Variants in SHC3 observed in about 807,000 individuals in gnomAD.
SHC3 encodes the protein SHC-transforming protein 3.
SHC3 carries 15 observed loss-of-function variants against 60.4 expected under a neutral mutation model. That is an observed-to-expected ratio of 0.25 (90% confidence interval 0.17 to 0.38). The LOEUF (loss-of-function observed/expected upper bound fraction) is 0.38. SHC3 is among the 10% of genes least tolerant of loss of function. The probability of loss-of-function intolerance (pLI) is 1.00; values close to 1 mark genes in which losing one functional copy is unlikely to be tolerated. For synonymous variants in SHC3, 294 were observed against 325.9 expected (o/e 0.90, Z 1.05); for missense variants, 677 against 786.1 (o/e 0.86, Z 1.66).
intron 1 of SHC3, among the ~76,000 whole-genome samples, chr9:89,119,513 T>C (rs1415344286): frequency 5.9e-5 from 9 of 151,658 alleles, no homozygotes; most frequent in African/African-American, 2.2e-4. Context: ...GGGTTTAATA[T>C]GGGGAAATAT....
chr9:89,172,400 A>G (rs1015046008), intron 1 of SHC3, among the ~76,000 whole-genome samples: 1 of 152,188 alleles, frequency 6.6e-6, no homozygotes, highest in African/African-American at 2.4e-5. Flanking sequence ...AGTGGGGTCA[A>G]AATGTTTTGT....
Position 89,178,028 on chromosome 9 carries a change from T to C in SHC3, c.433A>G (p.Ser145Gly). The change falls in exon 1 of 12, where the codon AGC becomes GGC. Residue 145 changes from serine to glycine, a missense_variant. By Grantham distance (56) the Ser-to-Gly change is moderately conservative. Transcript: ENST00000375835. This position sits in a 1 kb window ranked among gnomAD's most constrained non-coding sequence, Gnocchi z 6.9. ...ACTCCGGGCCCCAGCACCTGGTCGC[T>C]GGCGTGCGGCGCCCCCCGAGGGGGC... ...PRPPRGAPHA[S>G]DQVLGPGVTY... The C allele has an allele frequency of 8.1e-7, 1 of 1,231,358 alleles. No individual in the cohort carries two copies. Among genetic ancestry groups the C allele is most frequent in the Non-Finnish European group, 1.0e-6 (1 of 987,722 alleles). 76.3% of individuals were successfully genotyped at this position (1,231,358 alleles called of 1,614,324 possible). A position where few individuals can be genotyped will look rare whatever the true frequency, so the allele number is the denominator to read the frequency against.
intron 6 of SHC3, among the ~76,000 whole-genome samples, chr9:89,056,313 C>A (rs1409473858): frequency 6.6e-6 from 1 of 152,142 alleles, no homozygotes; most frequent in African/African-American, 2.4e-5. Context: ...ATGGCGCGAT[C>A]TTGGCTCACT....
intron 2 of SHC3, among the ~76,000 whole-genome samples, chr9:89,098,679 C>T (rs926771197): frequency 6.6e-6 from 1 of 152,064 alleles, no homozygotes; most frequent in African/African-American, 2.4e-5. Context: ...GGCATGGTAG[C>T]AGGCGCCTGT....
Position 89,038,176 on chromosome 9 carries a change from C to T in SHC3, c.1473G>A (p.Leu491=), listed in dbSNP as rs555091812. 5 of 1,614,050 alleles carry T rather than the reference C, an allele frequency of 3.1e-6. No individual in the cohort carries two copies. The highest frequency in any genetic ancestry group is 2.2e-5 in the South Asian group (2 of 91,062). ...VSPRAPDAKM[L]EELQAETWYQ... Reference sequence around the variant, plus strand: ...ACCAAGTCTCGGCTTGCAGTTCCTCCAGCATCTTGGCATCTGGGGCTCTAG... The same window carrying T: ...ACCAAGTCTCGGCTTGCAGTTCCTCTAGCATCTTGGCATCTGGGGCTCTAG... The change falls in exon 11 of 12, where the codon CTG becomes CTA. Residue 491 remains leucine (L), a synonymous_variant. Coordinates refer to ENST00000375835, the MANE Select transcript of SHC3 (RefSeq NM_016848.6).
chr9:89,175,259 T>C (rs563595685), intron 1 of SHC3, among the ~76,000 whole-genome samples: 2 of 152,346 alleles, frequency 1.3e-5, no homozygotes, highest in African/African-American at 4.8e-5. Flanking sequence ...TATAAACCTC[T>C]AGGCAGAGTA....
intron 2 of SHC3, among the ~76,000 whole-genome samples, chr9:89,099,321 G>T (rs568617308): frequency 7.9e-5 from 12 of 152,156 alleles, no homozygotes; most frequent in African/African-American, 2.6e-4. Flanking sequence ...AAAACAAACA[G>T]GTAAGTGAAA....
At position 89,010,101 on chromosome 9, in the gene SHC3, G is replaced by A. The variant is rs1018912463; in HGVS notation, c.*3346C>T. 6.6e-6 allele frequency: 1 copy of A among 152,222 alleles called. No homozygotes were observed. Among genetic ancestry groups the A allele is most frequent in the Non-Finnish European group, 1.5e-5 (1 of 68,056 alleles). 9.4% of individuals were successfully genotyped at this position (152,222 alleles called of 1,614,324 possible). A position where few individuals can be genotyped will look rare whatever the true frequency, so the allele number is the denominator to read the frequency against. ...CCCACAACTTCCTCCACCTCCAGGA[G>A]GCCCTAAAGAAGGCCATATATGGCC... On this transcript the variant is annotated 3_prime_UTR_variant, in exon 12 of 12. Transcript: ENST00000375835.
At chr9:89,146,373 CA>C (rs1191819558) in intron 1 of SHC3, among the ~76,000 whole-genome samples, 1 of 149,670 alleles carries the variant, frequency 6.7e-6, no homozygotes, top group Non-Finnish European at 1.5e-5. Context: ...CAAAACAAAA[CA>C]AAACAAAAAA....
rs539478004 is a variant in SHC3, at chr9:89,014,379, C to T, written c.1657-804G>A. On this transcript the variant is annotated intron_variant, in intron 11 of 11. Coordinates refer to ENST00000375835, the MANE Select transcript of SHC3 (RefSeq NM_016848.6). ...TTGAAAAAGGTGGAGTGGGGCCTGTCAGGAGCAATTTTTCGAGGAGGTCTG... is the reference window on the plus strand; with the variant it reads ...TTGAAAAAGGTGGAGTGGGGCCTGTTAGGAGCAATTTTTCGAGGAGGTCTG... Among the ~76,000 whole-genome samples the T allele has an allele frequency of 2.6e-5, 4 of 152,248 alleles. No individual in the cohort carries two copies. In the South Asian group the frequency reaches 8.3e-4, roughly 32 times the overall value.
intron 10 of SHC3, 116 bp from the exon 11 acceptor site, chr9:89,038,404 G>C: frequency 8.7e-7 from 1 of 1,150,454 alleles, no homozygotes; most frequent in Admixed American, 2.9e-5. Flanking sequence ...TCCTCCAGAA[G>C]GGGAAAACAA....
At chr9:89,165,607 G>A (rs1826776839) in intron 1 of SHC3, among the ~76,000 whole-genome samples, 1 of 151,912 alleles carries the variant, frequency 6.6e-6, no homozygotes, top group African/African-American at 2.4e-5. Context: ...CCCTTTAGAG[G>A]TGGAAATGAG....
intron 4 of SHC3, among the ~76,000 whole-genome samples, chr9:89,074,691 C>CAAAAAAAAAA (rs68051828): frequency 7.7e-4 from 46 of 59,924 alleles, no homozygotes; most frequent in Non-Finnish European, 9.5e-4. Context: ...GCCACTAAAG[C>CAAAAAAAAAA]AAAAAAAAAA....
intron 1 of SHC3, among the ~76,000 whole-genome samples, chr9:89,173,682 G>C (rs912146850): frequency 6.6e-6 from 1 of 151,908 alleles, no homozygotes; most frequent in African/African-American, 2.4e-5. Flanking sequence ...GTATGGTTGT[G>C]TGTGGGTGCA....
chr9:89,150,022 C>A (rs1469065120), intron 1 of SHC3, among the ~76,000 whole-genome samples: 1 of 152,082 alleles, frequency 6.6e-6, no homozygotes, highest in Admixed American at 6.6e-5. Flanking sequence ...TTCAAGGAAC[C>A]CTTATTTTAC....
rs957009792 is a variant in SHC3, at chr9:89,010,129, A to G, written c.*3318T>C. On this transcript the variant is annotated 3_prime_UTR_variant, in exon 12 of 12. Coordinates refer to ENST00000375835, the MANE Select transcript of SHC3 (RefSeq NM_016848.6). Reference sequence around the variant, plus strand: ...CCTAAAGAAGGCCATATATGGCCCAATCAGGCCTTTGTCCATTATCCCAAC... The same window carrying G: ...CCTAAAGAAGGCCATATATGGCCCAGTCAGGCCTTTGTCCATTATCCCAAC... 42 of 152,400 alleles carry G rather than the reference A, an allele frequency of 2.8e-4. No individual in the cohort carries two copies. Among genetic ancestry groups the G allele is most frequent in the African/African-American group, 9.6e-4 (40 of 41,592 alleles). The allele number at this position is 152,400 out of a possible 1,614,324, so 9.4% of individuals were successfully genotyped here.
At chr9:89,156,015 C>A (rs1326577599) in intron 1 of SHC3, among the ~76,000 whole-genome samples, 1 of 152,148 alleles carries the variant, frequency 6.6e-6, no homozygotes, top group Non-Finnish European at 1.5e-5. Flanking sequence ...GTTTCTGAGG[C>A]CTCCTGGCAT....
intron 2 of SHC3, chr9:89,109,293 G>T (rs1305089286): frequency 5.3e-6 from 4 of 759,464 alleles, no homozygotes; most frequent in Admixed American, 6.3e-5. Context: ...GGTGAAGGGG[G>T]TCCCTCCTCC....
intron 1 of SHC3, among the ~76,000 whole-genome samples, chr9:89,129,975 C>G (rs746210006): frequency 4.0e-4 from 61 of 152,094 alleles, no homozygotes; most frequent in Admixed American, 6.6e-4. Context: ...ATTGGATAAA[C>G]AGTCAAGACC....
Sources: allele counts gnomAD v4.1 joint callset (sites outside exome capture counted in the v4.1 genomes callset), GRCh38; gene constraint gnomAD v4.1.1; non-coding constraint Gnocchi (gnomAD v3.1); transcripts MANE v1.5; gene names NCBI Gene and HGNC (gene_info 2026-07-23, HGNC 2026-07-21).